ANKRD13A: variants seen among roughly 807,000 people sequenced by gnomAD.
The protein encoded by ANKRD13A is ankyrin repeat domain 13A.
Under a neutral mutation model 81.3 loss-of-function variants are expected in ANKRD13A, and 48 were observed. That is an observed-to-expected ratio of 0.59 (90% CI 0.47 to 0.75). ANKRD13A has a LOEUF of 0.75. ANKRD13A is among the 30% of genes least tolerant of loss of function. ANKRD13A has a pLI of 0.00. For synonymous variants in ANKRD13A, 230 were observed against 270.1 expected (o/e 0.85, Z 1.45); for missense variants, 612 against 734.0 (o/e 0.83, Z 1.92).
At chr12:110,019,512 T>A (rs1185396735) in intron 6 of ANKRD13A, among the ~76,000 whole-genome samples, 184 bp downstream of exon 6, 1 of 152,216 alleles carries the variant, frequency 6.6e-6, no homozygotes, top group Non-Finnish European at 1.5e-5. Flanking sequence ...ACACCATCCA[T>A]CATTTTTACA....
intron 13 of ANKRD13A, 64 bp downstream of exon 13, chr12:110,034,021 G>A: frequency 2.1e-6 from 3 of 1,421,564 alleles, no homozygotes; most frequent in Non-Finnish European, 2.8e-6. Context: ...GTTAGCCTCA[G>A]TGTTTGGCTA....
chr12:110,004,338 G>A (rs1458691395), intron 1 of ANKRD13A, among the ~76,000 whole-genome samples: 2 of 151,984 alleles, frequency 1.3e-5, no homozygotes, highest in South Asian at 2.1e-4. Flanking sequence ...AATTCCAGCC[G>A]GGCGTGGTGG....
At chr12:110,026,110 C>T (rs1298905851) in intron 8 of ANKRD13A, among the ~76,000 whole-genome samples, 1 of 151,790 alleles carries the variant, frequency 6.6e-6, no homozygotes, top group East Asian at 2.0e-4. Flanking sequence ...TACAAGCACC[C>T]ACCACCACGC....
intron 14 of ANKRD13A, 88 bp from the exon 15 acceptor site, chr12:110,037,271 C>T: frequency 7.5e-7 from 1 of 1,329,742 alleles, no homozygotes; most frequent in Non-Finnish European, 1.0e-6. Context: ...ACAGTGTGCC[C>T]TTGGTAAGCG....
chr12:110,031,640 CCA>C (rs2137173517), intron 12 of ANKRD13A, among the ~76,000 whole-genome samples: 2 of 152,266 alleles, frequency 1.3e-5, no homozygotes, highest in South Asian at 4.1e-4. Context: ...CCATACCCAG[CCA>C]CATTTTGACA....
intron 3 of ANKRD13A, among the ~76,000 whole-genome samples, chr12:110,015,291 C>T (rs1000198569): frequency 1.3e-5 from 2 of 152,222 alleles, no homozygotes; most frequent in Admixed American, 6.5e-5. Flanking sequence ...CAACCTCTTT[C>T]GGTTTCACAG....
In ANKRD13A at chr12:110,025,805, G is replaced by A. The variant is rs1435944435; in HGVS notation, c.865G>A (p.Glu289Lys). The stretch of plus-strand genomic sequence containing the variant: ...ACGCACAGAACATCTGACCGAGGAG[G>A]AAAAAAAGAGATATAAAGGTAATCA... The part of the protein sequence containing the change: ...KIRTEHLTEE[E>K]KKRYKADRNP... Residue 289 changes from glutamate to lysine, a missense_variant, in exon 8 of 15, where the codon GAA becomes AAA. Transcript: ENST00000261739. 2.5e-6 allele frequency: 4 copies of A among 1,612,800 alleles called. No individual in the cohort carries two copies. The South Asian group carries it at 4.4e-5, about 18-fold the overall frequency.
intron 9 of ANKRD13A, chr12:110,028,267 TATAATC>T (rs1891460120): frequency 2.4e-6 from 1 of 415,754 alleles, no homozygotes; most frequent in African/African-American, 2.0e-5. Flanking sequence ...TTTTCTTTGT[TATAATC>T]AGGAGATAAA....
intron 1 of ANKRD13A, among the ~76,000 whole-genome samples, chr12:110,008,863 C>A (rs1000136168): frequency 6.6e-6 from 1 of 152,018 alleles, no homozygotes; most frequent in Non-Finnish European, 1.5e-5. Context: ...CCAGCCTGGG[C>A]GACAGAGCGA....
intron 11 of ANKRD13A, among the ~76,000 whole-genome samples, chr12:110,030,135 C>T (rs1354437731): frequency 6.6e-6 from 1 of 151,756 alleles, no homozygotes; most frequent in Non-Finnish European, 1.5e-5. Context: ...ATCACTTACT[C>T]ACTGTGATCT....
chr12:110,027,561 G>A, intron 8 of ANKRD13A, 144 bp from the exon 9 acceptor site: 1 of 747,830 alleles, frequency 1.3e-6, no homozygotes, highest in Non-Finnish European at 2.3e-6. Context: ...ATTAGTTTAT[G>A]GTTATTGTGA....
At chr12:110,004,363 C>A (rs1051417055) in intron 1 of ANKRD13A, among the ~76,000 whole-genome samples, 2 of 152,156 alleles carry the variant, frequency 1.3e-5, no homozygotes, top group Non-Finnish European at 2.9e-5. Flanking sequence ...GGCCTGTAAT[C>A]CCAGCACTTT....
intron 10 of ANKRD13A, 95 bp downstream of exon 10, chr12:110,028,737 A>G: frequency 1.3e-6 from 2 of 1,505,106 alleles, no homozygotes; most frequent in East Asian, 4.7e-5. Context: ...TGCCCTCCCC[A>G]CCACCCTTAT....
intron 4 of ANKRD13A, among the ~76,000 whole-genome samples, chr12:110,016,837 AC>A (rs1890828393): frequency 6.6e-6 from 1 of 152,008 alleles, no homozygotes; most frequent in African/African-American, 2.4e-5. Context: ...CAGTGGCATG[AC>A]CTTGGCTCAC....
intron 13 of ANKRD13A, among the ~76,000 whole-genome samples, chr12:110,035,476 G>C (rs973772863): frequency 6.6e-6 from 1 of 151,522 alleles, no homozygotes; most frequent in African/African-American, 2.4e-5. Context: ...TTGAGGCAGA[G>C]TCTCACTCTT....
chr12:110,024,697 T>G (rs1891233247), intron 7 of ANKRD13A, among the ~76,000 whole-genome samples: 1 of 152,234 alleles, frequency 6.6e-6, no homozygotes, highest in Non-Finnish European at 1.5e-5. Context: ...CAGGGTCCTC[T>G]GGTGGCCTCT....
rs138912432 is a variant in ANKRD13A, at chr12:110,016,282, T to C, written c.355-106T>C. ...CATTTTATTTCTTCTTATTTTCTCT[T>C]TTTTTTTTTTTTAACCCAGGGTTTT... On this transcript the variant is annotated intron_variant, in intron 3 of 14. Transcript: ENST00000261739. 9.7e-3 allele frequency: 3,589 copies of C among 369,158 alleles called. 53 individuals carry two copies. Among genetic ancestry groups the C allele is most frequent in the African/African-American group, 0.05 (2,317 of 46,114 alleles). 22.9% of individuals were successfully genotyped at this position (369,158 alleles called of 1,614,324 possible). A position where few individuals can be genotyped will look rare whatever the true frequency, so the allele number is the denominator to read the frequency against.
At chr12:110,000,184 A>G (rs184804354) in intron 1 of ANKRD13A, among the ~76,000 whole-genome samples, 1 of 152,330 alleles carries the variant, frequency 6.6e-6, no homozygotes, top group East Asian at 1.9e-4. Context: ...AGACGTAAGA[A>G]TAGCACACTC....
intron 1 of ANKRD13A, among the ~76,000 whole-genome samples, chr12:110,003,399 A>G: frequency 6.6e-6 from 1 of 152,222 alleles, no homozygotes; most frequent in East Asian, 1.9e-4. Flanking sequence ...TGAAGAGCCT[A>G]GAGCCTGCTC....
Sources: gnomAD v4.1 joint callset for allele counts (sites outside exome capture counted in the v4.1 genomes callset) on GRCh38, gnomAD v4.1.1 for gene constraint, MANE v1.5 for transcripts, NCBI Gene and HGNC (gene_info 2026-07-23, HGNC 2026-07-21) for gene names.